SENP7: variants seen among roughly 807,000 people sequenced by gnomAD.
The protein encoded by SENP7 is SUMO specific peptidase 7.
Under a neutral mutation model 141.2 loss-of-function variants are expected in SENP7, and 64 were observed. That is an observed-to-expected ratio of 0.45 (90% CI 0.37 to 0.56). The LOEUF (loss-of-function observed/expected upper bound fraction) is 0.56, where lower values mean the gene tolerates loss of function less well. SENP7 is among the 20% of genes least tolerant of loss of function. The pLI is 0.00. For missense variants in SENP7, 1,025 were observed against 1,212.2 expected, an observed-to-expected ratio of 0.85 and a Z score of 2.29; for synonymous variants, 382 against 426.4, an observed-to-expected ratio of 0.90 and a Z score of 1.28.
chr3:101,357,961 C>A, intron 11 of SENP7: 1 of 654,016 alleles, frequency 1.5e-6, no homozygotes, highest in Non-Finnish European at 2.5e-6. Context: ...CTTTTAACCA[C>A]CCCTCACCCC....
At chr3:101,360,803 A>C (rs2059875994) in intron 11 of SENP7, among the ~76,000 whole-genome samples, 1 of 152,236 alleles carries the variant, frequency 6.6e-6, no homozygotes, top group Non-Finnish European at 1.5e-5. Context: ...GGGAGAAGTT[A>C]ATTCCGTCTA....
At chr3:101,353,824 C>G (rs1198940229) in intron 11 of SENP7, among the ~76,000 whole-genome samples, 1 of 151,904 alleles carries the variant, frequency 6.6e-6, no homozygotes, top group East Asian at 1.9e-4. Context: ...TCTAATTCAG[C>G]TAAATTGTAA....
chr3:101,429,703 C>A (rs1161873446), intron 4 of SENP7, among the ~76,000 whole-genome samples: 6 of 152,128 alleles, frequency 3.9e-5, no homozygotes, highest in Non-Finnish European at 8.8e-5. Context: ...CCTGATTGCC[C>A]TGGCCAGAAC....
chr3:101,511,162 C>T (rs1430142321), intron 1 of SENP7, among the ~76,000 whole-genome samples: 2 of 152,036 alleles, frequency 1.3e-5, no homozygotes, highest in African/African-American at 4.8e-5. Context: ...AAAAAGAAAA[C>T]GCTCTCTAGA....
chr3:101,502,655 C>G (rs1298689795), intron 1 of SENP7, among the ~76,000 whole-genome samples: 1 of 151,502 alleles, frequency 6.6e-6, no homozygotes, highest in Non-Finnish European at 1.5e-5. Flanking sequence ...TGGTTCATGC[C>G]TGTAATCCCA....
At chr3:101,487,571 T>C (rs575623582) in intron 3 of SENP7, among the ~76,000 whole-genome samples, 3 of 152,354 alleles carry the variant, frequency 2.0e-5, no homozygotes, top group South Asian at 4.1e-4. Flanking sequence ...TAGGTATTTT[T>C]CCTAAGATTT....
chr3:101,459,814 G>T (rs1340523242), intron 3 of SENP7, among the ~76,000 whole-genome samples: 3 of 152,082 alleles, frequency 2.0e-5, no homozygotes, highest in African/African-American at 7.2e-5. Context: ...AAAATGTTAA[G>T]GTTGCTCGAC....
At chr3:101,436,322 C>T (rs1272921779) in intron 4 of SENP7, among the ~76,000 whole-genome samples, 1 of 152,082 alleles carries the variant, frequency 6.6e-6, no homozygotes, top group Non-Finnish European at 1.5e-5. Flanking sequence ...GAAACTACTA[C>T]AAGAAAACAC....
chr3:101,357,462 C>G (rs1354864266), intron 11 of SENP7: 3 of 1,189,768 alleles, frequency 2.5e-6, no homozygotes, highest in East Asian at 4.8e-5. Context: ...AAGATGATTG[C>G]CAGACCCCCA....
At chr3:101,387,324 A>G (rs1322014897) in intron 6 of SENP7, among the ~76,000 whole-genome samples, 1 of 152,020 alleles carries the variant, frequency 6.6e-6, no homozygotes, top group Non-Finnish European at 1.5e-5. Flanking sequence ...ACCCACCAAC[A>G]TCACAGGCAG....
chr3:101,459,317 G>A (rs1369337820), intron 3 of SENP7, among the ~76,000 whole-genome samples: 1 of 152,060 alleles, frequency 6.6e-6, no homozygotes, highest in African/African-American at 2.4e-5. Context: ...AGCTTAAACA[G>A]CTATTAAAAT....
rs181826892 is a variant in SENP7 at position 101,390,431 on chromosome 3, G to A, written c.677+8430C>T. Among the ~76,000 whole-genome samples, 23 of 151,726 alleles carry A rather than the reference G, an allele frequency of 1.5e-4. No homozygotes were observed. In the East Asian group the frequency reaches 3.5e-3, roughly 23 times the overall value. On this transcript the variant is annotated intron_variant, in intron 6 of 23. Coordinates refer to ENST00000394095, the MANE Select transcript of SENP7 (RefSeq NM_020654.5). ...TACATCAAACTTTAAGACTGCTTTCGGTTTCCATTTGCAAATTTTAAGTCA... is the reference window on the plus strand; with the variant it reads ...TACATCAAACTTTAAGACTGCTTTCAGTTTCCATTTGCAAATTTTAAGTCA...
At chr3:101,341,494 C>T in intron 15 of SENP7, 152 bp downstream of exon 15, 1 of 610,378 alleles carries the variant, frequency 1.6e-6, no homozygotes, top group Non-Finnish European at 2.4e-6. Context: ...TTTTAACTTC[C>T]TCATAATTTC....
rs138212525 is a variant in SENP7 at position 101,429,191 on chromosome 3, T to C, written c.285-11401A>G. 1.1e-3 allele frequency among the ~76,000 whole-genome samples: 151 copies of C among 142,442 alleles called. 1 individual carries two copies. The highest frequency in any genetic ancestry group is 3.5e-3 in the African/African-American group (137 of 39,654). The allele number at this position is 142,442 out of a possible 152,430, so 93.4% of individuals were successfully genotyped here. ...CTACGCGGGCTCTTTTTTGGTTCCA[T>C]ACGAAATTTAAAGTAGTTCTTTTTC... On this transcript the variant is annotated intron_variant, in intron 4 of 23. Coordinates refer to ENST00000394095, the MANE Select transcript of SENP7 (RefSeq NM_020654.5).
intron 5 of SENP7, among the ~76,000 whole-genome samples, chr3:101,415,795 T>G (rs1357301475): frequency 6.6e-6 from 1 of 152,216 alleles, no homozygotes; most frequent in African/African-American, 2.4e-5. Context: ...TGGCACCTTA[T>G]TGTTTTGATA....
intron 6 of SENP7, among the ~76,000 whole-genome samples, chr3:101,395,457 G>A (rs937050705): frequency 6.6e-6 from 1 of 152,092 alleles, no homozygotes; most frequent in Admixed American, 6.6e-5. Flanking sequence ...TAAATATATG[G>A]ATTTATTTAT....
At chr3:101,404,165 A>G (rs1443306687) in intron 5 of SENP7, among the ~76,000 whole-genome samples, 4 of 152,198 alleles carry the variant, frequency 2.6e-5, no homozygotes, top group Non-Finnish European at 5.9e-5. Context: ...CATCCCTTCA[A>G]ACCATGTTAT....
intron 4 of SENP7, among the ~76,000 whole-genome samples, chr3:101,437,882 C>T (rs1304740666): frequency 6.6e-6 from 1 of 150,642 alleles, no homozygotes; most frequent in Non-Finnish European, 1.5e-5. Context: ...ATTAAGACTA[C>T]AATGAAATGC....
intron 3 of SENP7, among the ~76,000 whole-genome samples, chr3:101,476,455 T>A (rs2064222218): frequency 6.6e-6 from 1 of 152,202 alleles, no homozygotes. Context: ...TGCATAGAAT[T>A]CTATGGTGTA....
Sources: gnomAD v4.1 joint callset for allele counts (sites outside exome capture counted in the v4.1 genomes callset) on GRCh38, gnomAD v4.1.1 for gene constraint, MANE v1.5 for transcripts, NCBI Gene and HGNC (gene_info 2026-07-23, HGNC 2026-07-21) for gene names.